The following TMEM232 variants were observed in gnomAD, a reference collection of about 807,000 sequenced individuals.
TMEM232 encodes transmembrane protein 232.
Under a neutral mutation model 78.8 loss-of-function variants are expected in TMEM232, and 80 were observed. That is an observed-to-expected ratio of 1.01 (90% confidence interval 0.85 to 1.22). The LOEUF (loss-of-function observed/expected upper bound fraction) is 1.22. TMEM232 is among the 50% of genes most tolerant of loss of function. The probability of loss-of-function intolerance (pLI) is 0.00; values close to 1 mark genes in which losing one functional copy is unlikely to be tolerated. For synonymous variants in TMEM232, 297 were observed against 254.3 expected (o/e 1.17, Z -1.60); for missense variants, 881 against 742.2 (o/e 1.19, Z -2.17).
intron 11 of TMEM232, among the ~76,000 whole-genome samples, chr5:110,563,445 TG>T (rs1483880636): frequency 6.6e-6 from 1 of 151,924 alleles, no homozygotes; most frequent in African/African-American, 2.4e-5. Context: ...ATAATCCATT[TG>T]TGATTTGACA....
chr5:110,692,276 T>C (rs1275233377), intron 1 of TMEM232, among the ~76,000 whole-genome samples: 1 of 152,126 alleles, frequency 6.6e-6, no homozygotes, highest in Non-Finnish European at 1.5e-5. Context: ...GTCCTCAAAC[T>C]TGGATCAGAA....
At chr5:110,540,738 T>G (rs2149577454) in intron 11 of TMEM232, among the ~76,000 whole-genome samples, 1 of 152,332 alleles carries the variant, frequency 6.6e-6, no homozygotes, top group South Asian at 2.1e-4. Flanking sequence ...TCATTACTCT[T>G]ACCTGAGCAT....
chr5:110,436,400 T>C (rs1758440057), intron 12 of TMEM232, among the ~76,000 whole-genome samples: 1 of 151,986 alleles, frequency 6.6e-6, no homozygotes, highest in Non-Finnish European at 1.5e-5. Context: ...TTCTTATTCT[T>C]TGAGTTGTCT....
chr5:110,630,016 T>A lies in TMEM232; in HGVS notation c.502-2136A>T, dbSNP rs528729234. On this transcript the variant is annotated intron_variant, in intron 5 of 13. Coordinates refer to ENST00000455884, the MANE Select transcript of TMEM232 (RefSeq NM_001039763.4). ...TATAGAGCGGGTGATGCATCTTTGA[T>A]AATACCCTTTAATAAAGCATTCTGT... 3.3e-5 allele frequency among the ~76,000 whole-genome samples: 5 copies of A among 152,282 alleles called. 1 individual carries two copies. In the East Asian group the frequency reaches 9.6e-4, roughly 29 times the overall value.
chr5:110,485,566 T>C (rs898947683), intron 12 of TMEM232, among the ~76,000 whole-genome samples: 2 of 152,162 alleles, frequency 1.3e-5, no homozygotes, highest in African/African-American at 4.8e-5. Context: ...ATGTTTGCTT[T>C]TTACATTCCT....
intron 2 of TMEM232, among the ~76,000 whole-genome samples, chr5:110,732,798 A>G (rs1798805825): frequency 6.6e-6 from 1 of 152,214 alleles, no homozygotes; most frequent in South Asian, 2.1e-4. Flanking sequence ...GCTACTGGGA[A>G]TAAATGGAAC....
At position 110,568,631 on chromosome 5, in the gene TMEM232, TAA is replaced by T; in HGVS notation, c.1277-8_1277-7del. ...AGTCCAGACTACTTGATCACCTGTT[TAA>T]AAAGAAAAAGTCTTTGGGAATTATC... On this transcript the variant is annotated splice_region_variant and splice_polypyrimidine_tract_variant and intron_variant, in intron 10 of 13. Coordinates refer to ENST00000455884, the MANE Select transcript of TMEM232 (RefSeq NM_001039763.4). The T allele has an allele frequency of 6.6e-7, 1 of 1,524,564 alleles. No individual in the cohort carries two copies. Among genetic ancestry groups the T allele is most frequent in the Non-Finnish European group, 8.8e-7 (1 of 1,139,634 alleles). The allele number at this position is 1,524,564 out of a possible 1,614,324, so 94.4% of individuals were successfully genotyped here.
At chr5:110,628,921 A>G (rs1409604262) in intron 5 of TMEM232, 1 of 152,092 alleles carries the variant, frequency 6.6e-6, no homozygotes, top group East Asian at 1.9e-4. Flanking sequence ...ATTTTTTATT[A>G]CAAACCTCTA....
chr5:110,488,004 T>C (rs1161555922), intron 12 of TMEM232, among the ~76,000 whole-genome samples: 1 of 152,122 alleles, frequency 6.6e-6, no homozygotes. Flanking sequence ...TTGTTGGTAA[T>C]TTTTTAATTA....
chr5:110,652,776 C>T (rs1788515363), intron 2 of TMEM232, among the ~76,000 whole-genome samples: 1 of 151,992 alleles, frequency 6.6e-6, no homozygotes, highest in South Asian at 2.1e-4. Context: ...AAAGTAAATA[C>T]AGGCATTTCA....
intron 1 of TMEM232, among the ~76,000 whole-genome samples, chr5:110,721,902 C>T (rs1448264137): frequency 6.6e-6 from 1 of 151,624 alleles, no homozygotes; most frequent in East Asian, 1.9e-4. Flanking sequence ...AGCAGAAGCA[C>T]ATCCATGCAT....
intron 1 of TMEM232, among the ~76,000 whole-genome samples, chr5:110,716,675 C>A (rs1480847010): frequency 6.6e-6 from 1 of 152,180 alleles, no homozygotes; most frequent in Non-Finnish European, 1.5e-5. Context: ...CCACTCACCT[C>A]TTGCTGTGGT....
At chr5:110,493,856 C>T (rs992631197) in intron 12 of TMEM232, among the ~76,000 whole-genome samples, 2 of 151,662 alleles carry the variant, frequency 1.3e-5, no homozygotes, top group East Asian at 1.9e-4. Context: ...TAGGTATACA[C>T]GTGCCATGGT....
At chr5:110,474,114 C>G (rs1254987337) in intron 12 of TMEM232, among the ~76,000 whole-genome samples, 1 of 151,554 alleles carries the variant, frequency 6.6e-6, no homozygotes, top group African/African-American at 2.4e-5. Flanking sequence ...ATACATTGTA[C>G]ATTTCAAAAT....
intron 5 of TMEM232, among the ~76,000 whole-genome samples, chr5:110,630,196 G>T (rs1020681118): frequency 6.6e-6 from 1 of 152,176 alleles, no homozygotes. Flanking sequence ...ATATTAGCTA[G>T]AATAATAAAG....
intron 1 of TMEM232, among the ~76,000 whole-genome samples, chr5:110,699,967 T>C (rs555526738): frequency 9.2e-5 from 14 of 152,198 alleles, no homozygotes; most frequent in Non-Finnish European, 1.6e-4. Flanking sequence ...CCAGGACTTA[T>C]GAACCTGACT....
chr5:110,578,406 CT>C (rs1208867119), intron 10 of TMEM232, among the ~76,000 whole-genome samples: 1 of 151,722 alleles, frequency 6.6e-6, no homozygotes, highest in African/African-American at 2.4e-5. Context: ...CATGCAAAAC[CT>C]TTTTAAAACC....
At chr5:110,533,105 C>T (rs1771791106) in intron 11 of TMEM232, among the ~76,000 whole-genome samples, 1 of 152,152 alleles carries the variant, frequency 6.6e-6, no homozygotes, top group African/African-American at 2.4e-5. Flanking sequence ...GCTTTTTTCA[C>T]TATTCCCCTG....
intron 1 of TMEM232, among the ~76,000 whole-genome samples, chr5:110,668,510 G>C (rs935607674): frequency 1.3e-5 from 2 of 152,100 alleles, no homozygotes; most frequent in Non-Finnish European, 2.9e-5. Context: ...GCAGATCTGA[G>C]TGGCAATGGG....
Sources: allele counts gnomAD v4.1 joint callset (sites outside exome capture counted in the v4.1 genomes callset), GRCh38; gene constraint gnomAD v4.1.1; transcripts MANE v1.5; gene names NCBI Gene and HGNC (gene_info 2026-07-23, HGNC 2026-07-21).